RABGAP1L: variants seen among roughly 807,000 people sequenced by gnomAD.
RABGAP1L encodes the protein rab GTPase-activating protein 1-like.
Under a neutral mutation model 137.7 loss-of-function variants are expected in RABGAP1L, and 63 were observed. The observed-to-expected ratio is 0.46, with a 90% confidence interval of 0.37 to 0.56. RABGAP1L has a LOEUF of 0.56. RABGAP1L is among the 20% of genes least tolerant of loss of function. The pLI is 0.00. For missense variants in RABGAP1L, 1,095 were observed against 1,244.0 expected (o/e 0.88, Z 1.80); for synonymous variants, 431 against 433.7 (o/e 0.99, Z 0.08).
At chr1:174,213,050 G>A (rs1405589130) in intron 1 of RABGAP1L, among the ~76,000 whole-genome samples, 3 of 152,122 alleles carry the variant, frequency 2.0e-5, no homozygotes, top group African/African-American at 4.8e-5. Context: ...GTAATGAAAA[G>A]TGTCCTAGCA....
At chr1:174,617,652 A>C (rs1349117295) in intron 13 of RABGAP1L, among the ~76,000 whole-genome samples, 2 of 152,250 alleles carry the variant, frequency 1.3e-5, no homozygotes. Flanking sequence ...TTGGCATAAA[A>C]ATTAATTGTC....
chr1:174,295,252 T>C (rs1176145993), intron 10 of RABGAP1L, among the ~76,000 whole-genome samples: 2 of 150,746 alleles, frequency 1.3e-5, no homozygotes, highest in Admixed American at 6.6e-5. Flanking sequence ...GTCTCACTGT[T>C]GTACATGCTG....
intron 19 of RABGAP1L, among the ~76,000 whole-genome samples, chr1:174,945,254 T>TA (rs1394949710): frequency 6.6e-6 from 1 of 152,236 alleles, no homozygotes; most frequent in Non-Finnish European, 1.5e-5. Flanking sequence ...CTTGCCATCT[T>TA]ACTGTCTCAA....
At chr1:174,565,265 C>T (rs1667495833) in intron 13 of RABGAP1L, among the ~76,000 whole-genome samples, 1 of 152,176 alleles carries the variant, frequency 6.6e-6, no homozygotes, top group Non-Finnish European at 1.5e-5. Flanking sequence ...GTCTTCTACT[C>T]TTAAGACACC....
chr1:174,210,176 C>T (rs577861285), intron 1 of RABGAP1L, among the ~76,000 whole-genome samples: 10 of 152,258 alleles, frequency 6.6e-5, no homozygotes, highest in Admixed American at 1.3e-4. Flanking sequence ...AGATACCTAA[C>T]TCTTCAATGC....
chr1:174,516,234 C>T (rs907389161), intron 13 of RABGAP1L, among the ~76,000 whole-genome samples: 7 of 151,908 alleles, frequency 4.6e-5, no homozygotes, highest in Admixed American at 1.3e-4. Context: ...CAGCTCACTG[C>T]GGCCTCGACC....
At chr1:174,294,210 T>C (rs1367303482) in intron 10 of RABGAP1L, among the ~76,000 whole-genome samples, 4 of 152,198 alleles carry the variant, frequency 2.6e-5, no homozygotes, top group Non-Finnish European at 5.9e-5. Context: ...TATTATTAAT[T>C]GACTACCTGT....
At chr1:174,347,578 C>T (rs190974899) in intron 11 of RABGAP1L, among the ~76,000 whole-genome samples, 433 of 152,010 alleles carry the variant, frequency 2.8e-3, no homozygotes, top group Middle Eastern at 6.8e-3. Context: ...CTGCAAGCTC[C>T]ACCTGCCGGG....
chr1:174,846,011 T>C (rs1320747469), intron 19 of RABGAP1L, among the ~76,000 whole-genome samples: 9 of 147,112 alleles, frequency 6.1e-5, no homozygotes, highest in Admixed American at 6.8e-5. Flanking sequence ...AGTTTATTTG[T>C]GTAGAGGTGT....
intron 19 of RABGAP1L, among the ~76,000 whole-genome samples, chr1:174,912,696 C>T (rs1660245589): frequency 6.6e-6 from 1 of 152,160 alleles, no homozygotes; most frequent in African/African-American, 2.4e-5. Context: ...ATTCATTTAA[C>T]AGTAAAATTT....
chr1:174,619,302 C>G (rs949786252), intron 13 of RABGAP1L, among the ~76,000 whole-genome samples: 2 of 152,172 alleles, frequency 1.3e-5, no homozygotes, highest in Middle Eastern at 3.2e-3. Context: ...CACAAAGATA[C>G]TCCTCGAGAA....
intron 11 of RABGAP1L, among the ~76,000 whole-genome samples, chr1:174,311,911 G>A (rs1678894430): frequency 6.6e-6 from 1 of 152,134 alleles, no homozygotes; most frequent in Non-Finnish European, 1.5e-5. Flanking sequence ...CCAGCTGACA[G>A]ATGACTGGAT....
At chr1:174,187,946 A>G (rs1045553943) in intron 1 of RABGAP1L, among the ~76,000 whole-genome samples, 1 of 152,166 alleles carries the variant, frequency 6.6e-6, no homozygotes, top group Non-Finnish European at 1.5e-5. Flanking sequence ...TATAATTCTG[A>G]TTGTTATGTC....
intron 19 of RABGAP1L, among the ~76,000 whole-genome samples, chr1:174,952,490 A>C (rs1667877190): frequency 6.6e-6 from 1 of 151,986 alleles, no homozygotes; most frequent in African/African-American, 2.4e-5. Context: ...CAGCCTGAGC[A>C]ACAGAACAAG....
At chr1:174,755,557 A>G (rs964710797) in intron 18 of RABGAP1L, among the ~76,000 whole-genome samples, 7 of 152,208 alleles carry the variant, frequency 4.6e-5, no homozygotes, top group Admixed American at 2.6e-4. Context: ...CGTGTCCTAC[A>G]TGTGTATGCA....
Position 174,205,524 on chromosome 1 carries a change from T to C in RABGAP1L, c.-33-13601T>C, listed in dbSNP as rs192292509. On this transcript the variant is annotated intron_variant, in intron 1 of 25. Transcript: ENST00000681986. ...CCTGGTTCAGTCTTGGGAGGACATA[T>C]GTGTCCAGGAATTTATGTCTCTTTT... Among the ~76,000 whole-genome samples the C allele has an allele frequency of 2.8e-3, 431 of 152,296 alleles. 2 individuals carry two copies. Among genetic ancestry groups the C allele is most frequent in the Non-Finnish European group, 4.9e-3 (334 of 68,030 alleles).
intron 3 of RABGAP1L, among the ~76,000 whole-genome samples, chr1:174,223,442 CAAAAAAAAAA>C (rs370743713): frequency 2.1e-4 from 11 of 53,352 alleles, no homozygotes; most frequent in Non-Finnish European, 4.1e-4. Context: ...GACTCCATCT[CAAAAAAAAAA>C]AAAAAAAAAA....
intron 7 of RABGAP1L, among the ~76,000 whole-genome samples, chr1:174,253,069 A>G (rs1279329365): frequency 2.0e-5 from 3 of 152,206 alleles, no homozygotes; most frequent in African/African-American, 7.2e-5. Context: ...ACAAGAAATG[A>G]TAGTTCTGGA....
chr1:174,225,970 C>T (rs746744984), intron 3 of RABGAP1L, among the ~76,000 whole-genome samples: 4 of 152,018 alleles, frequency 2.6e-5, no homozygotes, highest in Non-Finnish European at 4.4e-5. Context: ...ACAGTACCAC[C>T]GCGACTACCA....
Sources: gnomAD v4.1 joint callset for allele counts (sites outside exome capture counted in the v4.1 genomes callset) on GRCh38, gnomAD v4.1.1 for gene constraint, MANE v1.5 for transcripts, NCBI Gene and HGNC (gene_info 2026-07-23, HGNC 2026-07-21) for gene names.